The following SLC6A15 variants were observed in gnomAD, a reference collection of about 807,000 sequenced individuals.
SLC6A15 encodes the protein sodium-dependent neutral amino acid transporter B(0)AT2.
Under a neutral mutation model 68.5 loss-of-function variants are expected in SLC6A15, and 33 were observed. The ratio of observed to expected loss-of-function variants is 0.48; its 90% CI spans 0.37 to 0.64. The LOEUF (loss-of-function observed/expected upper bound fraction) is 0.64, where lower values mean the gene tolerates loss of function less well. Among genes scored for constraint, SLC6A15 ranks in the 30% least tolerant of loss-of-function variants. The probability of loss-of-function intolerance (pLI) is 0.00; values close to 1 mark genes in which losing one functional copy is unlikely to be tolerated. For synonymous variants in SLC6A15, 347 were observed against 301.0 expected (o/e 1.15, Z -1.58); for missense variants, 747 against 874.3 (o/e 0.85, Z 1.84).
At chr12:84,876,435 AT>A in intron 6 of SLC6A15, 61 bp downstream of exon 6, 1 of 868,892 alleles carries the variant, frequency 1.2e-6, no homozygotes, top group Non-Finnish European at 1.8e-6. Flanking sequence ...AACTTAGAAT[AT>A]TTTAACAATA....
intron 5 of SLC6A15, chr12:84,883,619 G>A (rs1871932054): frequency 4.3e-6 from 6 of 1,407,342 alleles, no homozygotes; most frequent in Non-Finnish European, 3.7e-6. Flanking sequence ...AAATTTTAAA[G>A]ATCTTGTTGA....
intron 5 of SLC6A15, chr12:84,881,599 G>T (rs762682888): frequency 2.0e-6 from 2 of 985,270 alleles, no homozygotes; most frequent in Non-Finnish European, 2.4e-6. Flanking sequence ...TAGCATTTTG[G>T]GGTATATGTA....
chr12:84,862,394 A>G (rs1205542702), intron 11 of SLC6A15, among the ~76,000 whole-genome samples: 1 of 152,174 alleles, frequency 6.6e-6, no homozygotes, highest in Non-Finnish European at 1.5e-5. Flanking sequence ...TAGCCATTAA[A>G]TTTCAGGGTA....
intron 5 of SLC6A15, chr12:84,882,312 A>C (rs2120627724): frequency 1.0e-6 from 1 of 985,364 alleles, no homozygotes; most frequent in Non-Finnish European, 1.2e-6. Flanking sequence ...GCTCTGACAT[A>C]GTGGAAGACA....
In SLC6A15 at chr12:84,883,805, G is replaced by A. The variant is rs765475770; in HGVS notation, c.756+54C>T. 5 of 1,613,830 alleles carry A rather than the reference G, an allele frequency of 3.1e-6. 1 individual carries two copies. The highest frequency in any genetic ancestry group is 3.3e-5 in the Admixed American group (2 of 60,010). ...AATCTGTAACAGAATTTGAGAGAGG[G>A]ATGAATCCAGAAATGGTGATTAGCA... On this transcript the variant is annotated intron_variant, in intron 5 of 11. Transcript: ENST00000266682.
chr12:84,903,402 A>G (rs1872979220), intron 1 of SLC6A15, among the ~76,000 whole-genome samples: 1 of 152,152 alleles, frequency 6.6e-6, no homozygotes. Flanking sequence ...AAATAAAATA[A>G]AATATACTAA....
intron 1 of SLC6A15, among the ~76,000 whole-genome samples, chr12:84,894,909 C>A (rs920300677): frequency 1.3e-5 from 2 of 151,932 alleles, no homozygotes; most frequent in Non-Finnish European, 2.9e-5. Context: ...TATCGTATAA[C>A]AACTCTAGCC....
chr12:84,878,080 G>A (rs1241858439), intron 5 of SLC6A15, among the ~76,000 whole-genome samples: 2 of 151,270 alleles, frequency 1.3e-5, no homozygotes, highest in Admixed American at 6.6e-5. Context: ...TTAATATAAG[G>A]CAACACAATA....
At chr12:84,866,981 G>C in intron 10 of SLC6A15, 53 bp downstream of exon 10, 1 of 1,318,484 alleles carries the variant, frequency 7.6e-7, no homozygotes, top group East Asian at 2.6e-5. Context: ...ATTGATAATT[G>C]ATGTTTTCAA....
chr12:84,896,919 G>T (rs1196602537), intron 1 of SLC6A15, among the ~76,000 whole-genome samples: 1 of 152,192 alleles, frequency 6.6e-6, no homozygotes, highest in Non-Finnish European at 1.5e-5. Context: ...GGCCAGGTGT[G>T]GTGGCTCACG....
chr12:84,883,312 T>C, intron 5 of SLC6A15: 1 of 987,190 alleles, frequency 1.0e-6, no homozygotes, highest in South Asian at 4.7e-5. Context: ...GAAGGAATGA[T>C]ATTTAGTCTT....
At chr12:84,895,229 A>G (rs1240131798) in intron 1 of SLC6A15, among the ~76,000 whole-genome samples, 1 of 151,326 alleles carries the variant, frequency 6.6e-6, no homozygotes, top group African/African-American at 2.4e-5. Context: ...TCACCCCCAT[A>G]TTACCAATGT....
At chr12:84,897,841 A>G (rs929641259) in intron 1 of SLC6A15, among the ~76,000 whole-genome samples, 1 of 152,204 alleles carries the variant, frequency 6.6e-6, no homozygotes, top group African/African-American at 2.4e-5. Context: ...AAAGTAAAAG[A>G]TCTTAGTAAA....
intron 2 of SLC6A15, among the ~76,000 whole-genome samples, chr12:84,886,755 T>A (rs1872123897): frequency 6.6e-6 from 1 of 152,184 alleles, no homozygotes; most frequent in Admixed American, 6.5e-5. Flanking sequence ...TGTAAAAATG[T>A]ATATGTTATT....
At chr12:84,904,224 GGAGA>G (rs370457657) in intron 1 of SLC6A15, among the ~76,000 whole-genome samples, 3 of 121,982 alleles carry the variant, frequency 2.5e-5, no homozygotes, top group African/African-American at 3.6e-5. Context: ...GGGCGGAGGG[GGAGA>G]GAGAGAGAGA....
chr12:84,861,701 G>A lies in SLC6A15; in HGVS notation c.2124C>T (p.Pro708=). ...QSGSPTLDTA[P]NGRYGIGYLM... The stretch of plus-strand genomic sequence containing the variant: ...AGTACCCTATTCCATACCGTCCATT[G>A]GGAGCAGTATCCAGAGTTGGGGATC... The change falls in exon 12 of 12, where the codon CCC becomes CCT. Residue 708 remains proline (P), a synonymous_variant. Transcript: ENST00000266682. The A allele has an allele frequency of 3.1e-6, 5 of 1,613,876 alleles. No individual in the cohort carries two copies. The highest frequency in any genetic ancestry group is 4.2e-6 in the Non-Finnish European group (5 of 1,179,850).
At chr12:84,886,563 G>A (rs1872112056) in intron 2 of SLC6A15, among the ~76,000 whole-genome samples, 1 of 147,176 alleles carries the variant, frequency 6.8e-6, no homozygotes. Context: ...CATCATGGAA[G>A]AAGAAACGTC....
chr12:84,864,690 C>G (rs1209884951), intron 10 of SLC6A15, among the ~76,000 whole-genome samples: 1 of 152,054 alleles, frequency 6.6e-6, no homozygotes, highest in Non-Finnish European at 1.5e-5. Context: ...TAAAGGACAT[C>G]TTCAATGTAA....
intron 6 of SLC6A15, among the ~76,000 whole-genome samples, chr12:84,873,717 C>G (rs532144613): frequency 6.6e-6 from 1 of 152,248 alleles, no homozygotes; most frequent in South Asian, 2.1e-4. Flanking sequence ...TTAATAGTTG[C>G]TTCACTAACA....
Sources: allele counts gnomAD v4.1 joint callset (sites outside exome capture counted in the v4.1 genomes callset), GRCh38; gene constraint gnomAD v4.1.1; transcripts MANE v1.5; gene names NCBI Gene and HGNC (gene_info 2026-07-23, HGNC 2026-07-21).